B3GALNT2: variants seen among roughly 807,000 people sequenced by gnomAD.
B3GALNT2 encodes beta-1,3-N-acetylgalactosaminyltransferase 2.
B3GALNT2 carries 53 observed loss-of-function variants against 61.1 expected under a neutral mutation model. The ratio of observed to expected loss-of-function variants is 0.87; its 90% CI spans 0.70 to 1.09. The LOEUF is 1.09. B3GALNT2 is among the 50% of genes least tolerant of loss of function. B3GALNT2 has a pLI of 0.00. For synonymous variants in B3GALNT2, 223 were observed against 237.4 expected, an observed-to-expected ratio of 0.94 and a Z score of 0.56; for missense variants, 544 against 623.0, an observed-to-expected ratio of 0.87 and a Z score of 1.35.
intron 4 of B3GALNT2, among the ~76,000 whole-genome samples, chr1:235,480,408 A>T (rs937980989): frequency 2.0e-5 from 3 of 152,050 alleles, no homozygotes; most frequent in Admixed American, 6.5e-5. Flanking sequence ...CTTAAAAAAA[A>T]AACCCACCTT....
At chr1:235,456,512 G>A (rs756048254) in intron 8 of B3GALNT2, among the ~76,000 whole-genome samples, 1 of 152,190 alleles carries the variant, frequency 6.6e-6, no homozygotes, top group Non-Finnish European at 1.5e-5. Context: ...ATTAACAGCA[G>A]AAGGCATACA....
intron 6 of B3GALNT2, 96 bp downstream of exon 6, chr1:235,470,754 C>G: frequency 1.3e-6 from 2 of 1,493,924 alleles, no homozygotes; most frequent in South Asian, 1.3e-5. Flanking sequence ...AATCATTGCT[C>G]CATGCTGCCT....
chr1:235,441,732 T>C, the B3GALNT2 span: 1 of 1,316,136 alleles, frequency 7.6e-7, no homozygotes, highest in Non-Finnish European at 1.1e-6. Flanking sequence ...GACGCTTACC[T>C]ATCCTTTGTT....
At chr1:235,459,764 GA>G (rs1683330721) in intron 7 of B3GALNT2, among the ~76,000 whole-genome samples, 1 of 152,120 alleles carries the variant, frequency 6.6e-6, no homozygotes, top group Non-Finnish European at 1.5e-5. Context: ...GAACCACAAG[GA>G]AAAGGTTTCA....
chr1:235,465,564 C>A, intron 7 of B3GALNT2, 72 bp downstream of exon 7: 15 of 1,546,898 alleles, frequency 9.7e-6, no homozygotes, highest in South Asian at 5.0e-5. Context: ...AGAAAAAATC[C>A]TTTTCTCTCA....
chr1:235,441,498 C>T, the B3GALNT2 span: 1 of 340,518 alleles, frequency 2.9e-6, no homozygotes, highest in East Asian at 6.6e-5. Context: ...AGTCAGGACA[C>T]CTAAGGAACA....
At chr1:235,472,920 T>TTTTTA (rs2102818895) in intron 5 of B3GALNT2, among the ~76,000 whole-genome samples, 1 of 152,276 alleles carries the variant, frequency 6.6e-6, no homozygotes, top group South Asian at 2.1e-4. Flanking sequence ...TTTATTTTTA[T>TTTTTA]TTTTTTGAGA....
intron 6 of B3GALNT2, among the ~76,000 whole-genome samples, chr1:235,466,693 G>A (rs1444723969): frequency 6.6e-6 from 1 of 152,180 alleles, no homozygotes; most frequent in Admixed American, 6.5e-5. Context: ...TATTGTGCCA[G>A]CAGCCAATGA....
At chr1:235,474,983 A>ATTTTTT (rs1558425497) in intron 5 of B3GALNT2, among the ~76,000 whole-genome samples, 4 of 38,996 alleles carry the variant, frequency 1.0e-4, no homozygotes, top group Non-Finnish European at 1.3e-4. Flanking sequence ...ATATATATAT[A>ATTTTTT]TATATTTTTT....
At chr1:235,493,351 G>A (rs434910) in intron 2 of B3GALNT2, among the ~76,000 whole-genome samples, 68,798 of 152,030 alleles carry the variant, frequency 0.45, 16,205 homozygotes, top group Non-Finnish European at 0.5. Context: ...AGGTGGTTCT[G>A]ATAGTAGTGA....
intron 9 of B3GALNT2, among the ~76,000 whole-genome samples, chr1:235,454,889 A>G (rs1281217392): frequency 1.3e-5 from 2 of 152,244 alleles, no homozygotes; most frequent in Non-Finnish European, 2.9e-5. Context: ...TTTAGTATAT[A>G]TGAAAACAAA....
At position 235,449,939 on chromosome 1, in the gene B3GALNT2, T is replaced by C. The variant is rs1682791769; in HGVS notation, c.*267A>G. On this transcript the variant is annotated 3_prime_UTR_variant, in exon 12 of 12. Transcript: ENST00000366600. Reference sequence around the variant, plus strand: ...CACAATGCATCAGGATTTAGAAATATTTTTTCTTTTATAAAATAACTTGGT... The same window carrying C: ...CACAATGCATCAGGATTTAGAAATACTTTTTCTTTTATAAAATAACTTGGT... The C allele has an allele frequency of 9.8e-6, 3 of 306,140 alleles. No individual in the cohort carries two copies. The East Asian group carries it at 1.8e-4, about 19-fold the overall frequency. The allele number at this position is 306,140 out of a possible 1,614,324, so 19.0% of individuals were successfully genotyped here.
rs761956125 is a variant in B3GALNT2 at position 235,494,840 on chromosome 1, A to T, written c.113-12T>A. The T allele has an allele frequency of 6.3e-7, 1 of 1,589,288 alleles. No individual in the cohort carries two copies. On this transcript the variant is annotated splice_polypyrimidine_tract_variant and intron_variant, in intron 1 of 11. Transcript: ENST00000366600. ...TAAGGCCAACTGATCTAGAAATAAG[A>T]ACAATACATGAGAAATAAGTCATGT...
chr1:235,453,442 A>G (rs1335172798), intron 10 of B3GALNT2, among the ~76,000 whole-genome samples: 3 of 150,594 alleles, frequency 2.0e-5, no homozygotes, highest in African/African-American at 7.3e-5. Flanking sequence ...AAATCTTTCT[A>G]TTCCTCCAGG....
intron 1 of B3GALNT2, among the ~76,000 whole-genome samples, chr1:235,503,442 C>A (rs114690461): frequency 7.3e-4 from 111 of 152,310 alleles, no homozygotes; most frequent in Non-Finnish European, 1.1e-3. Context: ...TTCATTCCTA[C>A]GAGAGATTAA....
the B3GALNT2 span, chr1:235,441,740 G>C: frequency 7.3e-7 from 1 of 1,368,068 alleles, no homozygotes; most frequent in Non-Finnish European, 1.0e-6. Context: ...CCTATCCTTT[G>C]TTTGTTTGTT....
chr1:235,450,563 G>C, intron 11 of B3GALNT2: 1 of 502,472 alleles, frequency 2.0e-6, no homozygotes, highest in Middle Eastern at 5.5e-4. Context: ...AAACAAGGCG[G>C]TGTGTGGATG....
chr1:235,440,777 G>C, the B3GALNT2 span: 1 of 151,492 alleles, frequency 6.6e-6, no homozygotes, highest in Non-Finnish European at 1.5e-5. Context: ...GTAAGCTCTC[G>C]TCCCGAGGGC....
At chr1:235,490,517 C>T (rs1250991488) in intron 2 of B3GALNT2, among the ~76,000 whole-genome samples, 4 of 152,154 alleles carry the variant, frequency 2.6e-5, no homozygotes, top group Non-Finnish European at 4.4e-5. Flanking sequence ...AGGTGTGAGC[C>T]ACTGTGTCCG....
Sources: gnomAD v4.1 joint callset for allele counts (sites outside exome capture counted in the v4.1 genomes callset) on GRCh38, gnomAD v4.1.1 for gene constraint, MANE v1.5 for transcripts, NCBI Gene and HGNC (gene_info 2026-07-23, HGNC 2026-07-21) for gene names.